Variants in PDXDC1 observed in about 807,000 individuals in gnomAD.
PDXDC1 encodes the protein pyridoxal-dependent decarboxylase domain-containing protein 1.
Under a neutral mutation model 100.1 loss-of-function variants are expected in PDXDC1, and 42 were observed. That is an observed-to-expected ratio of 0.42 (90% CI 0.33 to 0.54). The LOEUF (loss-of-function observed/expected upper bound fraction) is 0.54. Among genes scored for constraint, PDXDC1 ranks in the 20% least tolerant of loss-of-function variants. The pLI is 0.10. For synonymous variants in PDXDC1, 260 were observed against 371.7 expected (o/e 0.70, Z 3.46); for missense variants, 636 against 979.2 (o/e 0.65, Z 4.68).
downstream of PDXDC1, among the ~76,000 whole-genome samples, chr16:15,143,980 G>A (rs1367449171): frequency 2.6e-5 from 4 of 152,196 alleles, no homozygotes; most frequent in Non-Finnish European, 2.9e-5. Context: ...GGGCTGGGGG[G>A]ACCGGCTCGG....
At chr16:15,018,465 A>G (rs1218176247) in intron 11 of PDXDC1, among the ~76,000 whole-genome samples, 2 of 152,290 alleles carry the variant, frequency 1.3e-5, no homozygotes, top group African/African-American at 4.8e-5. Context: ...AGCGTGCAAA[A>G]TAAGGTTTAA....
intron 1 of PDXDC1, among the ~76,000 whole-genome samples, chr16:14,990,941 G>A (rs1398960264): frequency 2.0e-5 from 3 of 152,388 alleles, no homozygotes; most frequent in Middle Eastern, 3.4e-3. Context: ...GGATTTTGCC[G>A]TGTTAGCCAA....
intron 16 of PDXDC1, chr16:15,091,380 G>A (rs936950654): frequency 1.3e-6 from 2 of 1,569,502 alleles, no homozygotes; most frequent in South Asian, 1.1e-5. Flanking sequence ...CCCTTAACAA[G>A]AAGGGGAAAG....
At chr16:15,018,359 T>G (rs1332552669) in intron 11 of PDXDC1, among the ~76,000 whole-genome samples, 2 of 152,234 alleles carry the variant, frequency 1.3e-5, no homozygotes, top group Non-Finnish European at 2.9e-5. Flanking sequence ...CAGTGAGCTA[T>G]GATCACACCA....
At chr16:15,062,433 A>G (rs2044751737) in intron 16 of PDXDC1, among the ~76,000 whole-genome samples, 1 of 152,182 alleles carries the variant, frequency 6.6e-6, no homozygotes, top group Admixed American at 6.5e-5. Flanking sequence ...AACAACAACA[A>G]AAAAGCCATC....
At chr16:14,988,366 A>T in intron 1 of PDXDC1, 1 of 1,614,280 alleles carries the variant, frequency 6.2e-7, no homozygotes, top group Non-Finnish European at 8.5e-7. Context: ...GTGATGAGGG[A>T]GGCCAAGCTG....
Position 15,133,360 on chromosome 16 carries a change from G to A in PDXDC1, c.1400-5519G>A, listed in dbSNP as rs1413997260. On this transcript the variant is annotated intron_variant, in intron 16 of 16. Coordinates refer to the PDXDC1 transcript ENST00000535621. The stretch of plus-strand genomic sequence containing the variant: ...CCGGGAGCACACTAGCGGTGAGCCC[G>A]TGCAGCCAGACTGTGAGCCCCATTG... 34 of 1,078,692 alleles carry A rather than the reference G, an allele frequency of 3.2e-5. No individual in the cohort carries two copies. The Admixed American group carries it at 4.8e-4, about 15-fold the overall frequency. The allele number at this position is 1,078,692 out of a possible 1,614,324, so 66.8% of individuals were successfully genotyped here. A position where few individuals can be genotyped will look rare whatever the true frequency, so the allele number is the denominator to read the frequency against.
intron 16 of PDXDC1, among the ~76,000 whole-genome samples, chr16:15,115,252 GTTGT>G (rs1267422370): frequency 1.1e-3 from 137 of 128,644 alleles, no homozygotes; most frequent in African/African-American, 3.3e-3. Context: ...CTTTTTGTTT[GTTGT>G]TTGTTTTTGA....
intron 1 of PDXDC1, among the ~76,000 whole-genome samples, chr16:14,976,120 C>A (rs1421296106): frequency 6.6e-6 from 1 of 152,274 alleles, no homozygotes; most frequent in African/African-American, 2.4e-5. Context: ...TAAATGGAAA[C>A]CAGTTTGGGT....
downstream of PDXDC1, chr16:15,038,492 C>G (rs1316280719): frequency 5.0e-6 from 4 of 801,424 alleles, no homozygotes; most frequent in East Asian, 9.9e-5. Flanking sequence ...GCAGCTATGA[C>G]CTGGTCTAAA....
At chr16:15,111,157 A>AC (rs1567267042) in intron 16 of PDXDC1, among the ~76,000 whole-genome samples, 20 of 144,544 alleles carry the variant, frequency 1.4e-4, no homozygotes, top group African/African-American at 4.8e-4. Context: ...CACACACACA[A>AC]AACACACAAG....
At chr16:14,981,438 A>G (rs1468168028) in intron 1 of PDXDC1, among the ~76,000 whole-genome samples, 2 of 152,300 alleles carry the variant, frequency 1.3e-5, no homozygotes, top group Non-Finnish European at 2.9e-5. Context: ...AACACTGCCT[A>G]TAAAGCTTAT....
intron 16 of PDXDC1, chr16:15,126,093 G>A: frequency 2.0e-6 from 1 of 497,796 alleles, no homozygotes; most frequent in Non-Finnish European, 3.7e-6. Context: ...GGAGTGCACT[G>A]GCGCAATCTC....
intron 16 of PDXDC1, among the ~76,000 whole-genome samples, chr16:15,043,821 G>A (rs1011556876): frequency 2.0e-5 from 3 of 152,022 alleles, no homozygotes; most frequent in Non-Finnish European, 2.9e-5. Context: ...GGTGGCGCAC[G>A]CCTGTGATCC....
chr16:15,064,725 G>C (rs375166593), intron 16 of PDXDC1, among the ~76,000 whole-genome samples: 1 of 152,232 alleles, frequency 6.6e-6, no homozygotes, highest in Admixed American at 6.5e-5. Context: ...TGCGCCACTC[G>C]GCAAGTCCTG....
intron 16 of PDXDC1, among the ~76,000 whole-genome samples, chr16:15,074,207 A>G (rs924185957): frequency 2.5e-4 from 38 of 152,198 alleles, no homozygotes; most frequent in African/African-American, 8.9e-4. Context: ...GTCAACTCAG[A>G]TTCCAGTTCT....
At chr16:14,993,124 T>A (rs778300988) in intron 1 of PDXDC1, among the ~76,000 whole-genome samples, 75 of 152,266 alleles carry the variant, frequency 4.9e-4, no homozygotes, top group Non-Finnish European at 7.4e-4. Context: ...AATGACACTT[T>A]AAAAAAAAAT....
intron 1 of PDXDC1, among the ~76,000 whole-genome samples, chr16:14,986,463 C>G (rs1382091161): frequency 6.6e-6 from 1 of 152,278 alleles, no homozygotes; most frequent in Non-Finnish European, 1.5e-5. Flanking sequence ...AATGAGACTG[C>G]ATCTCGAAAA....
intron 16 of PDXDC1, among the ~76,000 whole-genome samples, chr16:15,101,036 CT>C (rs2046527047): frequency 6.6e-6 from 1 of 152,140 alleles, no homozygotes; most frequent in African/African-American, 2.4e-5. Flanking sequence ...TACTCTATTA[CT>C]TTGGGCAATT....
Sources: allele counts gnomAD v4.1 joint callset (sites outside exome capture counted in the v4.1 genomes callset), GRCh38; gene constraint gnomAD v4.1.1; transcripts MANE v1.5; gene names NCBI Gene and HGNC (gene_info 2026-07-23, HGNC 2026-07-21).